GFPT1: variants seen among roughly 807,000 people sequenced by gnomAD.
The protein encoded by GFPT1 is glutamine--fructose-6-phosphate aminotransferase [isomerizing] 1.
In GFPT1, 40 loss-of-function variants were observed where a neutral mutation model predicts 92.0. The ratio of observed to expected loss-of-function variants is 0.43; its 90% CI spans 0.34 to 0.57. The LOEUF (loss-of-function observed/expected upper bound fraction) is 0.57, where lower values mean the gene tolerates loss of function less well. Ranked by LOEUF, GFPT1 falls within the 20% of genes least tolerant of loss-of-function variation. The probability of loss-of-function intolerance (pLI) is 0.02; values close to 1 mark genes in which losing one functional copy is unlikely to be tolerated. For synonymous variants in GFPT1, 269 were observed against 280.6 expected (o/e 0.96, Z 0.41); for missense variants, 448 against 869.1 (o/e 0.52, Z 6.09).
At chr2:69,331,200 AACC>A (rs1237497730) in intron 15 of GFPT1, among the ~76,000 whole-genome samples, 1 of 152,210 alleles carries the variant, frequency 6.6e-6, no homozygotes, top group Non-Finnish European at 1.5e-5. Context: ...CGGGACAATG[AACC>A]TTCACTACTA....
At chr2:69,332,691 G>A (rs1220372346) in intron 15 of GFPT1, among the ~76,000 whole-genome samples, 2 of 151,878 alleles carry the variant, frequency 1.3e-5, no homozygotes, top group Admixed American at 1.3e-4. Context: ...AGATATTTGA[G>A]GCTTTTATTT....
At chr2:69,373,522 C>T (rs148024502) in intron 2 of GFPT1, among the ~76,000 whole-genome samples, 1,810 of 152,058 alleles carry the variant, frequency 0.012, 33 homozygotes, top group African/African-American at 0.041. Flanking sequence ...GAGGAGGCTA[C>T]GGAGGGAGGA....
intron 11 of GFPT1, among the ~76,000 whole-genome samples, chr2:69,347,831 A>G (rs753234846): frequency 2.9e-4 from 44 of 152,168 alleles, no homozygotes; most frequent in Non-Finnish European, 5.4e-4. Flanking sequence ...GGCAGGCTAT[A>G]TTATCCTCAT....
chr2:69,370,260 G>T, intron 2 of GFPT1, 152 bp from the exon 3 acceptor site: 6 of 651,716 alleles, frequency 9.2e-6, no homozygotes, highest in South Asian at 8.8e-5. Flanking sequence ...CCTATTGTGT[G>T]TCAAGAACCA....
intron 5 of GFPT1, 88 bp from the exon 6 acceptor site, chr2:69,358,551 A>G (rs1671397427): frequency 1.1e-6 from 1 of 892,462 alleles, no homozygotes; most frequent in African/African-American, 1.7e-5. Flanking sequence ...TCAAAATGCC[A>G]CTAATTTCTA....
intron 1 of GFPT1, among the ~76,000 whole-genome samples, chr2:69,376,912 T>A (rs1053203751): frequency 6.6e-6 from 1 of 152,186 alleles, no homozygotes; most frequent in African/African-American, 2.4e-5. Flanking sequence ...CTCTACTTTT[T>A]TTTAAAGATT....
At chr2:69,368,440 C>T (rs1325192922) in intron 3 of GFPT1, among the ~76,000 whole-genome samples, 1 of 151,920 alleles carries the variant, frequency 6.6e-6, no homozygotes, top group Admixed American at 6.6e-5. Flanking sequence ...CAAAAACAAA[C>T]CAGTTGGCCA....
At chr2:69,350,537 A>T (rs1377616639) in intron 9 of GFPT1, among the ~76,000 whole-genome samples, 1 of 152,242 alleles carries the variant, frequency 6.6e-6, no homozygotes, top group African/African-American at 2.4e-5. Context: ...TATACAAAAC[A>T]ATGATCTTAA....
chr2:69,380,065 C>G (rs1201635631), intron 1 of GFPT1, among the ~76,000 whole-genome samples: 1 of 151,992 alleles, frequency 6.6e-6, no homozygotes, highest in Non-Finnish European at 1.5e-5. Flanking sequence ...AGGCCAGATG[C>G]CGTGGCTCAC....
At chr2:69,345,130 C>T (rs1233129662) in intron 12 of GFPT1, among the ~76,000 whole-genome samples, 2 of 152,164 alleles carry the variant, frequency 1.3e-5, no homozygotes, top group Non-Finnish European at 2.9e-5. Flanking sequence ...GTGGTACATG[C>T]CTGTAATCCC....
chr2:69,326,710 G>A (rs1178014262), intron 19 of GFPT1, among the ~76,000 whole-genome samples: 1 of 152,184 alleles, frequency 6.6e-6, no homozygotes, highest in East Asian at 1.9e-4. Flanking sequence ...CAATCTTGGA[G>A]GTGAACCCCA....
chr2:69,369,369 A>T (rs747105256), intron 3 of GFPT1, among the ~76,000 whole-genome samples: 12 of 152,312 alleles, frequency 7.9e-5, no homozygotes, highest in Admixed American at 5.9e-4. Context: ...GGAGAATTTT[A>T]AAAATATTTT....
At chr2:69,368,943 C>G (rs950013120) in intron 3 of GFPT1, among the ~76,000 whole-genome samples, 6 of 152,266 alleles carry the variant, frequency 3.9e-5, no homozygotes, top group African/African-American at 1.4e-4. Context: ...GTCCTCCCTT[C>G]ACATCTTCAC....
At chr2:69,331,712 T>A (rs1217563831) in intron 15 of GFPT1, among the ~76,000 whole-genome samples, 1 of 150,238 alleles carries the variant, frequency 6.7e-6, no homozygotes, top group African/African-American at 2.5e-5. Context: ...CAGAGTAATA[T>A]ATTTCTGAAT....
At chr2:69,358,982 A>C (rs1158306003) in intron 5 of GFPT1, among the ~76,000 whole-genome samples, 1 of 152,164 alleles carries the variant, frequency 6.6e-6, no homozygotes. Flanking sequence ...AAAGCATGAC[A>C]ATCTCTCAGA....
rs936544791 is a variant in GFPT1, at chr2:69,359,398, C to A, written c.350-72G>T. The A allele has an allele frequency of 5.8e-5, 50 of 858,524 alleles. No individual in the cohort carries two copies. In the Admixed American group the frequency reaches 9.2e-4, roughly 16 times the overall value. The allele number at this position is 858,524 out of a possible 1,614,324, so 53.2% of individuals were successfully genotyped here. A position where few individuals can be genotyped will look rare whatever the true frequency, so the allele number is the denominator to read the frequency against. ...AAATCTAAAATAGCTATTACTCTAA[C>A]TGGATTTTTCTCAAGTCAAAAATTT... On this transcript the variant is annotated intron_variant, in intron 4 of 19. Transcript: ENST00000357308.
intron 1 of GFPT1, among the ~76,000 whole-genome samples, chr2:69,378,472 T>C (rs937865554): frequency 1.6e-4 from 24 of 152,210 alleles, no homozygotes; most frequent in Admixed American, 1.1e-3. Flanking sequence ...TTCTTACTAA[T>C]GGAATATACT....
At chr2:69,365,220 G>A (rs1671581574) in intron 3 of GFPT1, among the ~76,000 whole-genome samples, 1 of 152,120 alleles carries the variant, frequency 6.6e-6, no homozygotes, top group Admixed American at 6.5e-5. Context: ...GCTCATGCCT[G>A]TAATCCCAGC....
chr2:69,386,927 A>G lies in GFPT1; in HGVS notation c.7+138T>C. On this transcript the variant is annotated intron_variant, in intron 1 of 19. Transcript: ENST00000357308. ...GCCGGCCCCCGCCCCCGCAGCCACC[A>G]CTGGGCGCCCCTTGCCCATCACCCA... The G allele has an allele frequency of 4.2e-6, 3 of 708,964 alleles. No homozygotes were observed. In the South Asian group the frequency reaches 4.5e-5, roughly 11 times the overall value. 43.9% of individuals were successfully genotyped at this position (708,964 alleles called of 1,614,324 possible).
Sources: allele counts gnomAD v4.1 joint callset (sites outside exome capture counted in the v4.1 genomes callset), GRCh38; gene constraint gnomAD v4.1.1; transcripts MANE v1.5; gene names NCBI Gene and HGNC (gene_info 2026-07-23, HGNC 2026-07-21).